Variants in AP4M1 observed in about 807,000 individuals in gnomAD.
AP4M1 encodes the protein AP-4 complex subunit mu-1.
A neutral mutation model predicts 62.4 loss-of-function variants in AP4M1; 58 were observed. The observed-to-expected ratio is 0.93, with a 90% CI of 0.75 to 1.16. AP4M1 has a LOEUF of 1.16. AP4M1 is among the 50% of genes most tolerant of loss of function. The probability of loss-of-function intolerance (pLI) is 0.00; values close to 1 mark genes in which losing one functional copy is unlikely to be tolerated. For synonymous variants in AP4M1, 290 were observed against 239.7 expected, an observed-to-expected ratio of 1.21 and a Z score of -1.94; for missense variants, 626 against 585.4, an observed-to-expected ratio of 1.07 and a Z score of -0.72.
At position 100,107,777 on chromosome 7, in the gene AP4M1, A is replaced by G; in HGVS notation, c.*895A>G. Reference sequence around the variant, plus strand: ...GCTGGAGACCTTGTTCATGCAGGGCAGCTACAGCCCTGCAGGACCCTGGTG... The same window carrying G: ...GCTGGAGACCTTGTTCATGCAGGGCGGCTACAGCCCTGCAGGACCCTGGTG... On this transcript the variant is annotated 3_prime_UTR_variant, in exon 15 of 15. Coordinates refer to ENST00000359593, the MANE Select transcript of AP4M1 (RefSeq NM_004722.4). 2 of 1,371,092 alleles carry G rather than the reference A, an allele frequency of 1.5e-6. No homozygotes were observed. The highest frequency in any genetic ancestry group is 2.0e-6 in the Non-Finnish European group (2 of 1,021,518). The allele number at this position is 1,371,092 out of a possible 1,614,324, so 84.9% of individuals were successfully genotyped here. A position where few individuals can be genotyped will look rare whatever the true frequency, so the allele number is the denominator to read the frequency against.
chr7:100,107,658 T>G lies in AP4M1; in HGVS notation c.*776T>G. The G allele has an allele frequency of 6.3e-7, 1 of 1,597,566 alleles. No homozygotes were observed. The highest frequency in any genetic ancestry group is 2.2e-5 in the East Asian group (1 of 44,714). ...AAGGAAAGGCAGGCCGCTTGCCCTG[T>G]GCCCTCCCTGCCCCCCAGAGGCCTG... On this transcript the variant is annotated 3_prime_UTR_variant, in exon 15 of 15. Transcript: ENST00000359593.
chr7:100,106,783 C>G lies in AP4M1; in HGVS notation c.1263C>G (p.Val421=), dbSNP rs775943746. 2 of 1,614,106 alleles carry G rather than the reference C, an allele frequency of 1.2e-6. No homozygotes were observed. Among genetic ancestry groups the G allele is most frequent in the Non-Finnish European group, 1.7e-6 (2 of 1,180,044 alleles). ...LPRHTCSGLQ[V]RFLRLAFRPC... ...GGCACACGTGCTCTGGCCTCCAGGT[C>G]CGATTCCTCAGGCTGGCCTTCAGGC... The change falls in exon 15 of 15, where the codon GTC becomes GTG. Residue 421 remains valine (V), a synonymous_variant. Coordinates refer to ENST00000359593, the MANE Select transcript of AP4M1 (RefSeq NM_004722.4).
intron 4 of AP4M1, 92 bp downstream of exon 4, chr7:100,103,052 C>T: frequency 1.2e-6 from 1 of 837,004 alleles, no homozygotes; most frequent in Non-Finnish European, 1.9e-6. Flanking sequence ...GTTAGGAGGC[C>T]AAGTCTACCT....
At chr7:100,105,693 T>G (rs368731722) in intron 11 of AP4M1, among the ~76,000 whole-genome samples, 154 bp downstream of exon 11, 41 of 151,768 alleles carry the variant, frequency 2.7e-4, no homozygotes, top group African/African-American at 9.7e-4. Flanking sequence ...ACACCTGTAA[T>G]CCTAGCACTT....
chr7:100,101,879 G>C lies in AP4M1; in HGVS notation c.59-1G>C, dbSNP rs761873506. 2 of 1,613,380 alleles carry C rather than the reference G, an allele frequency of 1.2e-6. No homozygotes were observed. The highest frequency in any genetic ancestry group is 1.7e-6 in the Non-Finnish European group (2 of 1,179,954). On this transcript the variant is annotated splice_acceptor_variant, in intron 1 of 14. Coordinates refer to ENST00000359593, the MANE Select transcript of AP4M1 (RefSeq NM_004722.4). LOFTEE classifies it high-confidence loss of function. ...CTTCACTGAGTCCTTCCACCCGCCA[G>C]TCCGCGGGGACAGTGGCGGCCGGGA... is the stretch of plus-strand genomic sequence containing the variant.
At position 100,107,586 on chromosome 7, in the gene AP4M1, G is replaced by C; in HGVS notation, c.*704G>C. 1 of 1,613,760 alleles carries C rather than the reference G, an allele frequency of 6.2e-7. No homozygotes were observed. Among genetic ancestry groups the C allele is most frequent in the Non-Finnish European group, 8.5e-7 (1 of 1,179,922 alleles). On this transcript the variant is annotated 3_prime_UTR_variant, in exon 15 of 15. Coordinates refer to ENST00000359593, the MANE Select transcript of AP4M1 (RefSeq NM_004722.4). ...GGTGGTGACGGGCGAAGTGGTGGTG[G>C]AACCTGAGCCGGGGGCCGAGGTGCT...
chr7:100,104,069 C>G, intron 6 of AP4M1, 23 bp from the exon 7 acceptor site: 1 of 1,612,606 alleles, frequency 6.2e-7, no homozygotes, highest in East Asian at 2.2e-5. Flanking sequence ...CTTCCAACCA[C>G]CCAAATTCTC....
Position 100,106,955 on chromosome 7 carries a change from C to A in AP4M1, c.*73C>A, listed in dbSNP as rs781645974. 1.4e-5 allele frequency: 21 copies of A among 1,502,750 alleles called. No individual in the cohort carries two copies. Among genetic ancestry groups the A allele is most frequent in the Non-Finnish European group, 1.9e-5 (21 of 1,110,534 alleles). 93.1% of individuals were successfully genotyped at this position (1,502,750 alleles called of 1,614,324 possible). ...GGGAGGACAGTCGTTTCTTTTCCAG[C>A]CTCCTGGCCTTCGGACTCTGAATCT... On this transcript the variant is annotated 3_prime_UTR_variant, in exon 15 of 15. Transcript: ENST00000359593.
chr7:100,106,134 G>C, intron 12 of AP4M1, 107 bp from the exon 13 acceptor site: 1 of 1,537,262 alleles, frequency 6.5e-7, no homozygotes, highest in Admixed American at 1.7e-5. Context: ...TGTAGAATTT[G>C]GGAAGGTGGG....
rs1796048559 is a variant in AP4M1, at chr7:100,101,711, G to A, written c.-4G>A. 2 of 1,613,190 alleles carry A rather than the reference G, an allele frequency of 1.2e-6. No homozygotes were observed. The highest frequency in any genetic ancestry group is 2.2e-5 in the South Asian group (2 of 91,070). ...CGTCTTCTTGTCTACTCTCCAGAAC[G>A]GCCATGATTTCCCAATTCTTCATTC... On this transcript the variant is annotated 5_prime_UTR_variant, in exon 1 of 15. Coordinates refer to ENST00000359593, the MANE Select transcript of AP4M1 (RefSeq NM_004722.4).
At chr7:100,104,385 A>G (rs1457585770) in intron 7 of AP4M1, among the ~76,000 whole-genome samples, 2 of 151,954 alleles carry the variant, frequency 1.3e-5, no homozygotes, top group East Asian at 1.9e-4. Flanking sequence ...TTACCCAGAC[A>G]TGGTAGTGTA....
chr7:100,107,097 C>G lies in AP4M1; in HGVS notation c.*215C>G, dbSNP rs557433136. 1.0e-4 allele frequency: 135 copies of G among 1,315,032 alleles called. No individual in the cohort carries two copies. The East Asian group carries it at 2.9e-3, about 28-fold the overall frequency. The allele number at this position is 1,315,032 out of a possible 1,614,324, so 81.5% of individuals were successfully genotyped here. On this transcript the variant is annotated 3_prime_UTR_variant, in exon 15 of 15. Coordinates refer to ENST00000359593, the MANE Select transcript of AP4M1 (RefSeq NM_004722.4). ...AGAACTTACAAACCAAACTTTTATT[C>G]TGAGAAACTGGCTGTACAATATCTA... is the stretch of plus-strand genomic sequence containing the variant.
intron 6 of AP4M1, 57 bp downstream of exon 6, chr7:100,103,749 C>T: frequency 6.3e-7 from 1 of 1,581,646 alleles, no homozygotes; most frequent in Non-Finnish European, 8.6e-7. Flanking sequence ...ATCCGGGAGT[C>T]CAAGATCTTA....
upstream of AP4M1, chr7:100,101,358 G>A: frequency 3.1e-6 from 5 of 1,605,414 alleles, no homozygotes; most frequent in Non-Finnish European, 4.3e-6. Context: ...GGGAAGCTGA[G>A]AATCTCCGCG....
At position 100,103,668 on chromosome 7, in the gene AP4M1, C is replaced by T. The variant is rs551112932; in HGVS notation, c.519C>T (p.Pro173=). 6.5e-5 allele frequency: 105 copies of T among 1,613,046 alleles called. No individual in the cohort carries two copies. The highest frequency in any genetic ancestry group is 4.2e-4 in the Admixed American group (25 of 60,014). ...CCCCCAGCAGTGCAGCCAGCCGCCCCGTCCTGTCCAGTCGCTCTGACCAGG... is the reference window on the plus strand; with the variant it reads ...CCCCCAGCAGTGCAGCCAGCCGCCCTGTCCTGTCCAGTCGCTCTGACCAGG... ...KVAPSSAASR[P]VLSSRSDQSQ... The change falls in exon 6 of 15, where the codon CCC becomes CCT. Residue 173 remains proline (P), a synonymous_variant. Coordinates refer to ENST00000359593, the MANE Select transcript of AP4M1 (RefSeq NM_004722.4).
chr7:100,106,082 C>G (rs1235210613), intron 12 of AP4M1, 79 bp downstream of exon 12: 2 of 1,568,516 alleles, frequency 1.3e-6, no homozygotes, highest in Non-Finnish European at 1.8e-6. Flanking sequence ...CTTCTCCCTT[C>G]AGATGCAGCT....
rs759562391 is a variant in AP4M1 at position 100,106,771 on chromosome 7, T to C, written c.1251T>C (p.Ser417=). 3.7e-6 allele frequency: 6 copies of C among 1,613,956 alleles called. No homozygotes were observed. The South Asian group carries it at 4.4e-5, about 12-fold the overall frequency. ...LSFELPRHTC[S]GLQVRFLRLA... is the part of the protein sequence containing the mutation. ...TCGAGCTTCCCCGGCACACGTGCTC[T>C]GGCCTCCAGGTCCGATTCCTCAGGC... is the stretch of plus-strand genomic sequence containing the variant. The change falls in exon 15 of 15, where the codon TCT becomes TCC. Residue 417 remains serine (S), a synonymous_variant. Transcript: ENST00000359593.
intron 4 of AP4M1, 174 bp downstream of exon 4, chr7:100,103,134 C>CAGTTA (rs1796196769): frequency 1.5e-6 from 1 of 657,412 alleles, no homozygotes; most frequent in Admixed American, 2.6e-5. Flanking sequence ...TGCAGTGGTG[C>CAGTTA]AGTTATAGCT....
Position 100,107,093 on chromosome 7 carries a change from T to C in AP4M1, c.*211T>C. 1.5e-6 allele frequency: 2 copies of C among 1,310,180 alleles called. No homozygotes were observed. Among genetic ancestry groups the C allele is most frequent in the Non-Finnish European group, 2.1e-6 (2 of 970,310 alleles). 81.2% of individuals were successfully genotyped at this position (1,310,180 alleles called of 1,614,324 possible). The stretch of plus-strand genomic sequence containing the variant: ...GATCAGAACTTACAAACCAAACTTT[T>C]ATTCTGAGAAACTGGCTGTACAATA... On this transcript the variant is annotated 3_prime_UTR_variant, in exon 15 of 15. Transcript: ENST00000359593.
Sources: allele counts gnomAD v4.1 joint callset (sites outside exome capture counted in the v4.1 genomes callset), GRCh38; gene constraint gnomAD v4.1.1; transcripts MANE v1.5; gene names NCBI Gene and HGNC (gene_info 2026-07-23, HGNC 2026-07-21).